The following SUGCT variants were observed in gnomAD, a reference collection of about 807,000 sequenced individuals.
SUGCT encodes succinyl-CoA:glutarate-CoA transferase, also known as succinyl-CoA:glutarate CoA-transferase.
Under a neutral mutation model 55.0 loss-of-function variants are expected in SUGCT, and 41 were observed. The observed-to-expected ratio is 0.74, with a 90% confidence interval of 0.58 to 0.97. SUGCT has a LOEUF of 0.97. Among genes scored for constraint, SUGCT ranks in the 50% least tolerant of loss-of-function variants. The pLI is 0.00. For synonymous variants in SUGCT, 187 were observed against 200.4 expected (o/e 0.93, Z 0.56); for missense variants, 568 against 547.8 (o/e 1.04, Z -0.37).
At chr7:40,451,674 G>T (rs751955190) in intron 10 of SUGCT, among the ~76,000 whole-genome samples, 1 of 152,160 alleles carries the variant, frequency 6.6e-6, no homozygotes, top group Non-Finnish European at 1.5e-5. Context: ...AGCATCCTGC[G>T]TGAATGCTGC....
intron 12 of SUGCT, among the ~76,000 whole-genome samples, chr7:40,633,270 A>AT (rs923610650): frequency 1.3e-5 from 2 of 152,150 alleles, no homozygotes; most frequent in African/African-American, 2.4e-5. Flanking sequence ...AAGTGTCTAT[A>AT]TTTTTTTCTC....
intron 12 of SUGCT, among the ~76,000 whole-genome samples, chr7:40,711,895 C>T (rs184006203): frequency 1.6e-4 from 24 of 152,288 alleles, no homozygotes; most frequent in African/African-American, 5.3e-4. Flanking sequence ...ATGTACAGAA[C>T]AGGATGACTG....
chr7:40,551,864 G>A (rs1469862264), intron 12 of SUGCT, among the ~76,000 whole-genome samples: 1 of 152,242 alleles, frequency 6.6e-6, no homozygotes, highest in Non-Finnish European at 1.5e-5. Flanking sequence ...AAGACAGTCA[G>A]AGTGAAATCA....
chr7:40,912,771 CAAAAA>C, the SUGCT span, among the ~76,000 whole-genome samples: 2 of 111,838 alleles, frequency 1.8e-5, no homozygotes, highest in African/African-American at 3.0e-5. Context: ...TAAACGTTTC[CAAAAA>C]AAAAAAAAAA....
chr7:40,926,637 A>G, the SUGCT span, among the ~76,000 whole-genome samples: 4 of 152,236 alleles, frequency 2.6e-5, no homozygotes, highest in African/African-American at 9.6e-5. Context: ...GTGTGTTTAT[A>G]ATAAGAGACA....
At chr7:40,387,783 T>G (rs776831160) in intron 9 of SUGCT, 1 of 152,192 alleles carries the variant, frequency 6.6e-6, no homozygotes, top group Non-Finnish European at 1.5e-5. Flanking sequence ...GAGTGCTATG[T>G]AAGGGAATAA....
intron 6 of SUGCT, among the ~76,000 whole-genome samples, chr7:40,215,072 T>C (rs117947931): frequency 0.011 from 1,663 of 152,274 alleles, 10 homozygotes; most frequent in Middle Eastern, 0.017. Context: ...GTTTATAGCA[T>C]GGCAGATACG....
At chr7:40,244,137 C>T (rs1789654092) in intron 7 of SUGCT, among the ~76,000 whole-genome samples, 1 of 152,178 alleles carries the variant, frequency 6.6e-6, no homozygotes, top group Admixed American at 6.5e-5. Flanking sequence ...TGCGCCACTG[C>T]ACTCCAGCCT....
the SUGCT span, among the ~76,000 whole-genome samples, chr7:40,982,323 A>G: frequency 3.3e-5 from 5 of 152,340 alleles, no homozygotes; most frequent in Non-Finnish European, 5.9e-5. Flanking sequence ...AGTCTTGAAC[A>G]TATTATCCTA....
intron 6 of SUGCT, among the ~76,000 whole-genome samples, chr7:40,235,050 A>G (rs1013873373): frequency 1.3e-5 from 2 of 152,190 alleles, no homozygotes; most frequent in African/African-American, 2.4e-5. Context: ...GGTTTATTAT[A>G]TATTCTATCT....
At chr7:40,294,932 A>G (rs765151320) in intron 8 of SUGCT, among the ~76,000 whole-genome samples, 43 of 152,248 alleles carry the variant, frequency 2.8e-4, no homozygotes, top group Admixed American at 2.6e-4. Flanking sequence ...ATGCTGCGCA[A>G]AAAGCTTAGA....
At chr7:40,702,871 A>C (rs1375348675) in intron 12 of SUGCT, among the ~76,000 whole-genome samples, 1 of 152,090 alleles carries the variant, frequency 6.6e-6, no homozygotes, top group Non-Finnish European at 1.5e-5. Context: ...ATAGCCCAAA[A>C]CTACGTAACT....
the SUGCT span, among the ~76,000 whole-genome samples, chr7:40,972,983 A>C: frequency 1.3e-5 from 2 of 152,188 alleles, 1 homozygote; most frequent in Admixed American, 1.3e-4. Context: ...CTCTCATCTG[A>C]GCACTCAGAT....
chr7:40,160,111 C>T (rs1279099654), intron 1 of SUGCT, among the ~76,000 whole-genome samples: 1 of 152,176 alleles, frequency 6.6e-6, no homozygotes, highest in Non-Finnish European at 1.5e-5. Context: ...CTGTAGTAAA[C>T]CTTAGCTCTG....
intron 13 of SUGCT, among the ~76,000 whole-genome samples, chr7:40,794,945 G>A (rs1029540052): frequency 7.9e-5 from 12 of 151,882 alleles, no homozygotes; most frequent in African/African-American, 2.9e-4. Context: ...AGAATTTATG[G>A]GAATTTTAAT....
At chr7:40,148,211 AT>A (rs1290857220) in intron 1 of SUGCT, among the ~76,000 whole-genome samples, 1 of 151,544 alleles carries the variant, frequency 6.6e-6, no homozygotes, top group Non-Finnish European at 1.5e-5. Flanking sequence ...AGGTTGCTTT[AT>A]GAGGAAGTTA....
intron 1 of SUGCT, among the ~76,000 whole-genome samples, chr7:40,162,636 C>T (rs539301278): frequency 2.9e-3 from 442 of 152,238 alleles, no homozygotes; most frequent in Non-Finnish European, 5.0e-3. Flanking sequence ...ACCATCATTC[C>T]CAGCTGACTT....
chr7:40,715,350 G>A (rs775107267), intron 12 of SUGCT, among the ~76,000 whole-genome samples: 4 of 152,030 alleles, frequency 2.6e-5, no homozygotes, highest in East Asian at 3.9e-4. Flanking sequence ...GCCTGCCTCC[G>A]CTGTCTTCTT....
intron 9 of SUGCT, among the ~76,000 whole-genome samples, chr7:40,341,809 C>G (rs2151178485): frequency 6.6e-6 from 1 of 152,284 alleles, no homozygotes; most frequent in Non-Finnish European, 1.5e-5. Flanking sequence ...TCTGAGTTGG[C>G]CAGCAGAATG....
Sources: gnomAD v4.1 joint callset for allele counts (sites outside exome capture counted in the v4.1 genomes callset) on GRCh38, gnomAD v4.1.1 for gene constraint, MANE v1.5 for transcripts, NCBI Gene and HGNC (gene_info 2026-07-23, HGNC 2026-07-21) for gene names.